NBAS: variants seen among roughly 807,000 people sequenced by gnomAD.
NBAS encodes the protein NBAS subunit of NRZ tethering complex, also known as NAG/BC035112 fusion.
NBAS carries 219 observed loss-of-function variants against 302.5 expected under a neutral mutation model. The ratio of observed to expected loss-of-function variants is 0.72; its 90% CI spans 0.65 to 0.81. The LOEUF is 0.81. NBAS is among the 30% of genes least tolerant of loss of function. NBAS has a pLI of 0.00. For missense variants in NBAS, 2,932 were observed against 2,841.6 expected, an observed-to-expected ratio of 1.03 and a Z score of -0.72; for synonymous variants, 1,118 against 1,021.6, an observed-to-expected ratio of 1.09 and a Z score of -1.80.
chr2:14,780,653 A>T, the NBAS span, among the ~76,000 whole-genome samples: 1 of 152,220 alleles, frequency 6.6e-6, no homozygotes, highest in African/African-American at 2.4e-5. Context: ...CAGGGGATGA[A>T]CCATTCTGTT....
chr2:15,549,638 G>A (rs1664281457), intron 6 of NBAS, among the ~76,000 whole-genome samples: 1 of 152,118 alleles, frequency 6.6e-6, no homozygotes, highest in African/African-American at 2.4e-5. Context: ...GTAGATGGGA[G>A]GATCACCTGA....
At chr2:14,909,398 A>G in the NBAS span, among the ~76,000 whole-genome samples, 1 of 145,458 alleles carries the variant, frequency 6.9e-6, no homozygotes, top group African/African-American at 2.6e-5. Context: ...AAGATTTCCC[A>G]CATACCTACA....
chr2:15,342,157 G>A (rs1672884020), intron 35 of NBAS, among the ~76,000 whole-genome samples: 1 of 152,104 alleles, frequency 6.6e-6, no homozygotes, highest in Admixed American at 6.6e-5. Context: ...TTTTATTGCA[G>A]AGCAACACTA....
the NBAS span, among the ~76,000 whole-genome samples, chr2:14,847,270 C>T: frequency 6.6e-6 from 1 of 150,600 alleles, no homozygotes; most frequent in Non-Finnish European, 1.5e-5. Context: ...GTAGTCCCAG[C>T]TACTTGGGAG....
At chr2:15,365,054 C>T (rs999955234) in intron 32 of NBAS, among the ~76,000 whole-genome samples, 2 of 152,198 alleles carry the variant, frequency 1.3e-5, no homozygotes, top group African/African-American at 2.4e-5. Flanking sequence ...AGAAGCCATG[C>T]ACTATGATCA....
chr2:14,841,964 C>CA, the NBAS span, among the ~76,000 whole-genome samples: 8 of 151,296 alleles, frequency 5.3e-5, no homozygotes, highest in South Asian at 2.1e-4. Context: ...TCAAACAATT[C>CA]AAAAAAAATA....
intron 38 of NBAS, among the ~76,000 whole-genome samples, chr2:15,324,157 T>A (rs1671957661): frequency 6.6e-6 from 1 of 152,136 alleles, no homozygotes; most frequent in African/African-American, 2.4e-5. Flanking sequence ...GACAGAACAT[T>A]CAGGCTATTA....
the NBAS span, among the ~76,000 whole-genome samples, chr2:14,857,228 T>C: frequency 6.6e-6 from 1 of 152,080 alleles, no homozygotes; most frequent in African/African-American, 2.4e-5. Flanking sequence ...AAATCAATAC[T>C]GTTAAAATGT....
At chr2:15,388,479 A>T (rs1394870122) in intron 28 of NBAS, among the ~76,000 whole-genome samples, 7 of 152,228 alleles carry the variant, frequency 4.6e-5, no homozygotes, top group Admixed American at 4.6e-4. Context: ...AAAGAAAATC[A>T]GTATCAGGTA....
the NBAS span, among the ~76,000 whole-genome samples, chr2:14,967,040 C>G: frequency 1.2e-3 from 187 of 152,074 alleles, no homozygotes; most frequent in African/African-American, 4.2e-3. Context: ...ATTTAAAATA[C>G]CATTATTAAT....
At chr2:14,784,243 A>T in the NBAS span, among the ~76,000 whole-genome samples, 1 of 152,068 alleles carries the variant, frequency 6.6e-6, no homozygotes, top group African/African-American at 2.4e-5. Flanking sequence ...GTAGGTTGTG[A>T]AAATGTTCTC....
chr2:15,137,618 AATG>A, the NBAS span, among the ~76,000 whole-genome samples: 1 of 152,214 alleles, frequency 6.6e-6, no homozygotes, highest in Admixed American at 6.5e-5. Context: ...CCCCCAAAAA[AATG>A]ATGAGAGGAG....
intron 9 of NBAS, among the ~76,000 whole-genome samples, chr2:15,534,066 T>C (rs187596703): frequency 1.3e-5 from 2 of 152,318 alleles, no homozygotes; most frequent in Admixed American, 1.3e-4. Context: ...TAAGCCTCAA[T>C]GTAGATGCAA....
chr2:14,793,838 C>T, the NBAS span, among the ~76,000 whole-genome samples: 1 of 151,908 alleles, frequency 6.6e-6, no homozygotes, highest in Non-Finnish European at 1.5e-5. Context: ...CAGGGGCACA[C>T]TAATTCAAAT....
chr2:15,528,390 T>C (rs914702982), intron 9 of NBAS, among the ~76,000 whole-genome samples: 6 of 148,136 alleles, frequency 4.1e-5, no homozygotes, highest in Middle Eastern at 3.6e-3. Flanking sequence ...CATTTACATA[T>C]ACAATATGAA....
chr2:15,098,060 G>GTATACAATA, the NBAS span, among the ~76,000 whole-genome samples: 3 of 34 alleles, frequency 0.088, 1 homozygote, highest in African/African-American at 0.21. Flanking sequence ...ATATTATATT[G>GTATACAATA]TATATATTAT....
the NBAS span, among the ~76,000 whole-genome samples, chr2:14,830,598 C>G: frequency 3.9e-5 from 6 of 152,170 alleles, no homozygotes; most frequent in Non-Finnish European, 7.3e-5. Context: ...CTGTCCTAAA[C>G]TCAGGGTTGG....
intron 32 of NBAS, among the ~76,000 whole-genome samples, chr2:15,365,043 C>T (rs1464444279): frequency 3.3e-5 from 5 of 152,162 alleles, no homozygotes; most frequent in African/African-American, 1.2e-4. Context: ...TATTTGTTTA[C>T]AGAAGCCATG....
chr2:15,115,339 C>T, the NBAS span, among the ~76,000 whole-genome samples: 1,202 of 152,280 alleles, frequency 7.9e-3, 19 homozygotes, highest in African/African-American at 0.028. Context: ...CGCTGACATA[C>T]ACAGTTATTG....
Sources: allele counts gnomAD v4.1 joint callset (sites outside exome capture counted in the v4.1 genomes callset), GRCh38; gene constraint gnomAD v4.1.1; transcripts MANE v1.5; gene names NCBI Gene and HGNC (gene_info 2026-07-23, HGNC 2026-07-21).